Variants in CCSER1 observed in about 807,000 individuals in gnomAD.
The protein encoded by CCSER1 is serine-rich coiled-coil domain-containing protein 1.
CCSER1 carries 41 observed loss-of-function variants against 82.0 expected under a neutral mutation model. The ratio of observed to expected loss-of-function variants is 0.50; its 90% CI spans 0.39 to 0.65. CCSER1 has a LOEUF of 0.65. CCSER1 is among the 30% of genes least tolerant of loss of function. The pLI is 0.00. For synonymous variants in CCSER1, 414 were observed against 383.9 expected (o/e 1.08, Z -0.92); for missense variants, 1,119 against 1,064.2 (o/e 1.05, Z -0.72).
At chr4:90,632,609 C>T (rs1221358744) in intron 6 of CCSER1, among the ~76,000 whole-genome samples, 2 of 152,072 alleles carry the variant, frequency 1.3e-5, no homozygotes, top group African/African-American at 4.8e-5. Context: ...AGGCATTGCT[C>T]TAAATATTCT....
chr4:91,457,791 AT>A (rs1281786058), intron 10 of CCSER1, among the ~76,000 whole-genome samples: 2 of 152,090 alleles, frequency 1.3e-5, no homozygotes, highest in Non-Finnish European at 2.9e-5. Flanking sequence ...AAAAAGTGTA[AT>A]TTTTTCTGTA....
At chr4:90,370,793 C>G (rs915312021) in intron 3 of CCSER1, among the ~76,000 whole-genome samples, 2 of 151,974 alleles carry the variant, frequency 1.3e-5, no homozygotes, top group African/African-American at 4.8e-5. Context: ...AAGGATTCTG[C>G]AGATTTAAAG....
At chr4:91,078,420 C>A (rs1472824371) in intron 9 of CCSER1, among the ~76,000 whole-genome samples, 3 of 152,196 alleles carry the variant, frequency 2.0e-5, no homozygotes, top group Admixed American at 1.3e-4. Context: ...AAAACCCCAT[C>A]TGTACGTCAC....
At chr4:90,492,037 G>C (rs997303387) in intron 5 of CCSER1, among the ~76,000 whole-genome samples, 9 of 152,160 alleles carry the variant, frequency 5.9e-5, no homozygotes, top group African/African-American at 2.2e-4. Context: ...CTCATAAAAT[G>C]AGTTAGGGAG....
At chr4:91,505,971 G>T (rs570169313) in intron 10 of CCSER1, among the ~76,000 whole-genome samples, 1 of 152,184 alleles carries the variant, frequency 6.6e-6, no homozygotes, top group South Asian at 2.1e-4. Flanking sequence ...TGCTTTTGTT[G>T]CAATTGCTTT....
intron 10 of CCSER1, among the ~76,000 whole-genome samples, chr4:91,591,687 A>G (rs996110903): frequency 6.6e-6 from 1 of 152,142 alleles, no homozygotes; most frequent in Non-Finnish European, 1.5e-5. Flanking sequence ...TTACATAAAT[A>G]GAAGATAAAG....
intron 10 of CCSER1, among the ~76,000 whole-genome samples, chr4:91,243,119 A>C (rs1002256734): frequency 4.6e-5 from 7 of 152,154 alleles, no homozygotes; most frequent in African/African-American, 1.7e-4. Context: ...TGGTGACCAG[A>C]GGACTTTACA....
Position 90,309,160 on chromosome 4 carries a change from T to C in CCSER1, c.876T>C (p.Ser292=), listed in dbSNP as rs1433098443. The C allele has an allele frequency of 6.2e-7, 1 of 1,613,970 alleles. No homozygotes were observed. Among genetic ancestry groups the C allele is most frequent in the Non-Finnish European group, 8.5e-7 (1 of 1,179,848 alleles). Residue 292 remains serine, a synonymous_variant, in exon 2 of 11, where the codon TCT becomes TCC. Transcript: ENST00000509176. ...GTGACAACTTTGGCCACAATGATTC[T>C]ACCTCTCAGATGTCCCTCAATTCTG... ...SHCDNFGHND[S]TSQMSLNSAA...
chr4:91,559,733 C>T (rs1182716828), intron 10 of CCSER1, among the ~76,000 whole-genome samples: 4 of 151,312 alleles, frequency 2.6e-5, no homozygotes, highest in Non-Finnish European at 3.0e-5. Flanking sequence ...ATATTATTCT[C>T]ATCCATGTTG....
intron 3 of CCSER1, among the ~76,000 whole-genome samples, chr4:90,342,734 T>C (rs1741624962): frequency 6.6e-6 from 1 of 152,162 alleles, no homozygotes; most frequent in Admixed American, 6.5e-5. Context: ...TTTTCCATAC[T>C]CCAGGACTTT....
At position 91,134,726 on chromosome 4, in the gene CCSER1, G is replaced by A. The variant is rs537274833; in HGVS notation, c.2217+48732G>A. Among the ~76,000 whole-genome samples the A allele has an allele frequency of 1.1e-3, 171 of 152,204 alleles. 2 individuals are homozygous for A. The highest frequency in any genetic ancestry group is 3.8e-3 in the African/African-American group (159 of 41,542). Reference sequence around the variant, plus strand: ...CAATCTTCAATGAATGTTAAAATTAGACACTGAAAATTTGTTGAGAAAGGA... The same window carrying A: ...CAATCTTCAATGAATGTTAAAATTAAACACTGAAAATTTGTTGAGAAAGGA... On this transcript the variant is annotated intron_variant, in intron 10 of 10. Transcript: ENST00000509176.
intron 1 of CCSER1, among the ~76,000 whole-genome samples, chr4:90,284,639 A>G (rs1046597680): frequency 6.6e-6 from 1 of 151,582 alleles, no homozygotes; most frequent in Non-Finnish European, 1.5e-5. Context: ...GACCACAGGC[A>G]TGTGCCACCA....
intron 5 of CCSER1, among the ~76,000 whole-genome samples, chr4:90,532,679 T>G (rs1198468925): frequency 6.6e-6 from 1 of 152,204 alleles, no homozygotes; most frequent in Non-Finnish European, 1.5e-5. Flanking sequence ...TCTCAGTTTC[T>G]TTATATCAAA....
chr4:91,172,798 T>C (rs975601012), intron 10 of CCSER1, among the ~76,000 whole-genome samples: 2 of 150,618 alleles, frequency 1.3e-5, no homozygotes, highest in East Asian at 3.9e-4. Context: ...TTGGGCTTAA[T>C]GCAATCTAAC....
intron 4 of CCSER1, among the ~76,000 whole-genome samples, chr4:90,454,619 C>T (rs1015454313): frequency 9.9e-5 from 15 of 152,020 alleles, no homozygotes; most frequent in African/African-American, 3.4e-4. Flanking sequence ...ATTTATTATC[C>T]TCCAATGATA....
intron 5 of CCSER1, among the ~76,000 whole-genome samples, chr4:90,493,560 A>T (rs1178329028): frequency 6.6e-6 from 1 of 152,222 alleles, no homozygotes; most frequent in Non-Finnish European, 1.5e-5. Flanking sequence ...CTAACAGCTG[A>T]TCTCTTGCTA....
chr4:90,940,607 G>A (rs572689553), intron 9 of CCSER1, among the ~76,000 whole-genome samples: 190 of 152,114 alleles, frequency 1.2e-3, no homozygotes, highest in Non-Finnish European at 2.0e-3. Flanking sequence ...ATATTCCAAC[G>A]TGTAAAAAAA....
chr4:90,916,394 A>G (rs1727426580), intron 8 of CCSER1, among the ~76,000 whole-genome samples: 2 of 152,182 alleles, frequency 1.3e-5, no homozygotes, highest in South Asian at 2.1e-4. Context: ...GACAAACCTG[A>G]CAAAAACAAG....
intron 10 of CCSER1, among the ~76,000 whole-genome samples, chr4:91,391,064 T>C (rs143920388): frequency 1.2e-3 from 190 of 152,126 alleles, no homozygotes; most frequent in East Asian, 5.0e-3. Flanking sequence ...TGTTTTAAGT[T>C]ATTTTCTACT....
Sources: gnomAD v4.1 joint callset for allele counts (sites outside exome capture counted in the v4.1 genomes callset) on GRCh38, gnomAD v4.1.1 for gene constraint, MANE v1.5 for transcripts, NCBI Gene and HGNC (gene_info 2026-07-23, HGNC 2026-07-21) for gene names.